The following SLC38A10 variants were observed in gnomAD, a reference collection of about 807,000 sequenced individuals.
SLC38A10 encodes solute carrier family 38 member 10, also known as Sodium-coupled neutral amino acid transporter 10.
In SLC38A10, 53 loss-of-function variants were observed where a neutral mutation model predicts 81.0. That is an observed-to-expected ratio of 0.65 (90% confidence interval 0.53 to 0.82). The LOEUF (loss-of-function observed/expected upper bound fraction) is 0.82, where lower values mean the gene tolerates loss of function less well. Among genes scored for constraint, SLC38A10 ranks in the 40% least tolerant of loss-of-function variants. SLC38A10 has a pLI of 0.00. For missense variants in SLC38A10, 1,471 were observed against 1,545.0 expected, an observed-to-expected ratio of 0.95 and a Z score of 0.80; for synonymous variants, 665 against 655.3, an observed-to-expected ratio of 1.01 and a Z score of -0.23.
At chr17:81,251,457 G>A (rs1471557443) in intron 14 of SLC38A10, 36 bp downstream of exon 14, 5 of 1,608,480 alleles carry the variant, frequency 3.1e-6, no homozygotes, top group Non-Finnish European at 4.2e-6. Context: ...CCGCTCCCTG[G>A]GCCTGAGGCA....
At position 81,252,480 on chromosome 17, in the gene SLC38A10, G is replaced by C. The variant is rs1440004416; in HGVS notation, c.1660C>G (p.Gln554Glu). 4 of 1,613,194 alleles carry C rather than the reference G, an allele frequency of 2.5e-6. No individual in the cohort carries two copies. In the Admixed American group the frequency reaches 6.7e-5, roughly 27 times the overall value. The change falls in exon 13 of 16, where the codon CAG becomes GAG. Residue 554 changes from glutamine to glutamate, a missense_variant. This residue lies in a region of SLC38A10 where 720 missense variants were observed against 827.7 expected (regional missense o/e 0.87). Transcript: ENST00000374759. ...CCAGGCCTCTTCCCAACCTCTCCCT[G>C]CTCCGGCTCTTGTTTCTCTCTTTCT... ...DSEREKQEPE[Q>E]GEVGKRPGQA...
intron 1 of SLC38A10, among the ~76,000 whole-genome samples, chr17:81,290,120 A>G (rs948913927): frequency 1.1e-4 from 16 of 152,170 alleles, no homozygotes; most frequent in African/African-American, 3.4e-4. Context: ...CACACCCTAC[A>G]TGCACCATCT....
In SLC38A10 at chr17:81,253,743, C is replaced by T. The variant is rs966678531; in HGVS notation, c.1289-503G>A. Among the ~76,000 whole-genome samples the T allele has an allele frequency of 1.2e-5, 1 of 84,386 alleles. No homozygotes were observed. The highest frequency in any genetic ancestry group is 2.6e-5 in the Non-Finnish European group (1 of 39,146). The allele number at this position is 84,386 out of a possible 152,430, so 55.4% of individuals were successfully genotyped here. On this transcript the variant is annotated intron_variant, in intron 11 of 15. Transcript: ENST00000374759. This position sits in a 1 kb window ranked among gnomAD's most constrained non-coding sequence, Gnocchi z 4.1. ...TCATCACCATCTCCATCCCTACCAC[C>T]ATCACCATCATCATCACCGTCACCA...
intron 1 of SLC38A10, among the ~76,000 whole-genome samples, chr17:81,290,324 G>C (rs2063300552): frequency 6.6e-6 from 1 of 152,132 alleles, no homozygotes; most frequent in African/African-American, 2.4e-5. Context: ...GTTTACAGCA[G>C]GTTTATCCAC....
Position 81,292,106 on chromosome 17 carries a change from C to T in SLC38A10, c.100-2298G>A, listed in dbSNP as rs367559891. ...AATCTATATAGATCTATATCTATAT[C>T]TATCTAGATATAGATATAGATATAT... On this transcript the variant is annotated intron_variant, in intron 1 of 15. Coordinates refer to ENST00000374759, the MANE Select transcript of SLC38A10 (RefSeq NM_001037984.3). Among the ~76,000 whole-genome samples, 24 of 151,900 alleles carry T rather than the reference C, an allele frequency of 1.6e-4. 1 individual carries two copies. The South Asian group carries it at 4.1e-3, about 26-fold the overall frequency.
rs1195864279 is a variant in SLC38A10 at position 81,286,191 on chromosome 17, C to G, written c.218-1296G>C. The stretch of plus-strand genomic sequence containing the variant: ...AAGCAACAAAACACGGCGCTCCAAA[C>G]ATGAAGTTGCTCCTGGCCATAATGT... On this transcript the variant is annotated intron_variant, in intron 2 of 15. Coordinates refer to ENST00000374759, the MANE Select transcript of SLC38A10 (RefSeq NM_001037984.3). The surrounding 1 kb of genome is among the most constrained non-coding windows in gnomAD (Gnocchi z 6.0). 2.6e-5 allele frequency among the ~76,000 whole-genome samples: 4 copies of G among 152,236 alleles called. No individual in the cohort carries two copies. Among genetic ancestry groups the G allele is most frequent in the Middle Eastern group, 3.2e-3 (1 of 316 alleles).
intron 1 of SLC38A10, among the ~76,000 whole-genome samples, chr17:81,294,357 A>C (rs777429904): frequency 6.6e-6 from 1 of 152,186 alleles, no homozygotes; most frequent in Admixed American, 6.6e-5. Flanking sequence ...TGAAACGCAG[A>C]TCTTAGGTGT....
intron 2 of SLC38A10, among the ~76,000 whole-genome samples, chr17:81,287,255 G>A (rs1370682711): frequency 6.6e-6 from 1 of 152,162 alleles, no homozygotes; most frequent in Non-Finnish European, 1.5e-5. Context: ...CCATTACACC[G>A]CAAACCTATG....
rs890966704 is a variant in SLC38A10 at position 81,245,076 on chromosome 17, T to C, written c.*480A>G. 1 of 161,636 alleles carries C rather than the reference T, an allele frequency of 6.2e-6. No individual in the cohort carries two copies. Among genetic ancestry groups the C allele is most frequent in the African/African-American group, 2.4e-5 (1 of 41,826 alleles). The allele number at this position is 161,636 out of a possible 1,614,324, so 10.0% of individuals were successfully genotyped here. A position where few individuals can be genotyped will look rare whatever the true frequency, so the allele number is the denominator to read the frequency against. On this transcript the variant is annotated 3_prime_UTR_variant, in exon 16 of 16. Coordinates refer to ENST00000374759, the MANE Select transcript of SLC38A10 (RefSeq NM_001037984.3). ...CATCGATAAACAGTCATAATAATTATCATTCTGAGTCACTGCAAGCGTGGG... is the reference window on the plus strand; with the variant it reads ...CATCGATAAACAGTCATAATAATTACCATTCTGAGTCACTGCAAGCGTGGG...
intron 1 of SLC38A10, among the ~76,000 whole-genome samples, chr17:81,290,476 C>T (rs1035296536): frequency 3.3e-5 from 5 of 152,140 alleles, no homozygotes; most frequent in African/African-American, 1.2e-4. Flanking sequence ...GGGACTCAAA[C>T]GCACCATGCT....
At chr17:81,258,418 T>C (rs1280591675) in intron 11 of SLC38A10, among the ~76,000 whole-genome samples, 2 of 152,122 alleles carry the variant, frequency 1.3e-5, no homozygotes, top group African/African-American at 4.8e-5. Context: ...AAACCAGATG[T>C]GGCCTCGGAG....
At position 81,283,157 on chromosome 17, in the gene SLC38A10, G is replaced by C. The variant is rs147277922; in HGVS notation, c.357+252C>G. ...AGAGACTTGCTCTGCACTGTGCCCG[G>C]GTCTGAGGCTCCCCCACCCGCCCCT... On this transcript the variant is annotated intron_variant, in intron 4 of 15. Transcript: ENST00000374759. This position sits in a 1 kb window ranked among gnomAD's most constrained non-coding sequence, Gnocchi z 4.7. 2.0e-5 allele frequency among the ~76,000 whole-genome samples: 3 copies of C among 152,172 alleles called. No homozygotes were observed. Among genetic ancestry groups the C allele is most frequent in the African/African-American group, 7.2e-5 (3 of 41,440 alleles).
intron 15 of SLC38A10, 42 bp from the exon 16 acceptor site, chr17:81,246,715 C>T: frequency 5.3e-6 from 8 of 1,504,270 alleles, no homozygotes; most frequent in Non-Finnish European, 7.1e-6. Context: ...CAGCACTGTA[C>T]ACAGGCTGCC....
chr17:81,273,895 G>A (rs1464538969), intron 8 of SLC38A10, among the ~76,000 whole-genome samples: 1 of 152,208 alleles, frequency 6.6e-6, no homozygotes, highest in Non-Finnish European at 1.5e-5. Context: ...CGGCACATGG[G>A]CCGAAGACAA....
chr17:81,247,424 A>G, intron 14 of SLC38A10: 1 of 204,734 alleles, frequency 4.9e-6, no homozygotes, highest in Admixed American at 5.9e-5. Context: ...TGTCCAGAGC[A>G]ACAGTCAAAA....
chr17:81,278,861 C>T (rs1302364271), intron 6 of SLC38A10, among the ~76,000 whole-genome samples: 1 of 152,164 alleles, frequency 6.6e-6, no homozygotes, highest in Non-Finnish European at 1.5e-5. Context: ...GTGTCCCACG[C>T]ACACGGGGTG....
At chr17:81,251,839 C>T (rs1024265998) in intron 13 of SLC38A10, 11 of 531,962 alleles carry the variant, frequency 2.1e-5, no homozygotes, top group African/African-American at 5.9e-5. Context: ...TAACTGCCTT[C>T]GCAATTAAAA....
In SLC38A10 at chr17:81,246,479, C is replaced by T; in HGVS notation, c.2437G>A (p.Asp813Asn). The T allele has an allele frequency of 6.4e-7, 1 of 1,564,764 alleles. No individual in the cohort carries two copies. The highest frequency in any genetic ancestry group is 8.6e-7 in the Non-Finnish European group (1 of 1,157,280). The change falls in exon 16 of 16, where the codon GAC becomes AAC. Residue 813 changes from aspartate to asparagine, a missense_variant. By Grantham distance (23) the Asp-to-Asn change is conservative (BLOSUM62 1). Transcript: ENST00000374759. ...CCGCCGTCAGGAGGGCCAGCAGGGT[C>T]TCTGCCCACAGGCCCCTCAGAGTGC... ...LEHSEGPVGRDPAGPPDGGPD... is the reference protein window; with the variant it reads ...LEHSEGPVGRNPAGPPDGGPD...
chr17:81,255,610 A>C (rs529342293), intron 11 of SLC38A10, among the ~76,000 whole-genome samples: 1 of 152,342 alleles, frequency 6.6e-6, no homozygotes, highest in Admixed American at 6.5e-5. Context: ...AGAGGCGGCC[A>C]CGGCCAAGGG....
Sources: gnomAD v4.1 joint callset for allele counts (sites outside exome capture counted in the v4.1 genomes callset) on GRCh38, gnomAD v4.1.1 for gene constraint, gnomAD v4.1.1 regional missense constraint, Gnocchi (gnomAD v3.1) non-coding constraint, MANE v1.5 for transcripts, NCBI Gene and HGNC (gene_info 2026-07-23, HGNC 2026-07-21) for gene names.